Variants in HPS5 observed in about 807,000 individuals in gnomAD.
HPS5 encodes BLOC-2 complex member HPS5.
HPS5 carries 83 observed loss-of-function variants against 128.0 expected under a neutral mutation model. The observed-to-expected ratio is 0.65, with a 90% CI of 0.54 to 0.78. HPS5 has a LOEUF of 0.78. Ranked by LOEUF, HPS5 falls within the 30% of genes least tolerant of loss-of-function variation. HPS5 has a pLI of 0.00. For missense variants in HPS5, 1,281 were observed against 1,326.2 expected (o/e 0.97, Z 0.53); for synonymous variants, 475 against 470.2 (o/e 1.01, Z -0.13).
rs369116404 is a variant in HPS5, at chr11:18,297,003, CAA to C, written c.1324-21_1324-20del. The C allele has an allele frequency of 4.1e-3, 4,633 of 1,129,504 alleles. 19 individuals are homozygous for C. Among genetic ancestry groups the C allele is most frequent in the African/African-American group, 0.036 (2,158 of 59,702 alleles). The allele number at this position is 1,129,504 out of a possible 1,614,324, so 70.0% of individuals were successfully genotyped here. A position where few individuals can be genotyped will look rare whatever the true frequency, so the allele number is the denominator to read the frequency against. On this transcript the variant is annotated intron_variant, in intron 11 of 22. Coordinates refer to ENST00000349215, the MANE Select transcript of HPS5 (RefSeq NM_181507.2). Reference sequence around the variant, plus strand: ...AACTTTCCTAAAAATTAAAAGAATTCAAAAAAAAAAAAAGGTAAAAATTTCCT... The same window carrying C: ...AACTTTCCTAAAAATTAAAAGAATTCAAAAAAAAAAAGGTAAAAATTTCCT...
chr11:18,293,038 T>TTC, intron 14 of HPS5, 62 bp from the exon 15 acceptor site: 4 of 1,332,558 alleles, frequency 3.0e-6, no homozygotes, highest in South Asian at 2.3e-5. Context: ...AGAGCTTTTT[T>TTC]TGAGACAGGG....
intron 6 of HPS5, among the ~76,000 whole-genome samples, chr11:18,307,821 A>AT (rs1336933482): frequency 6.6e-6 from 1 of 152,134 alleles, no homozygotes; most frequent in Non-Finnish European, 1.5e-5. Flanking sequence ...ACATAAGTAT[A>AT]TATTTTATTA....
At position 18,291,829 on chromosome 11, in the gene HPS5, C is replaced by T. The variant is rs752862842; in HGVS notation, c.2053G>A (p.Asp685Asn). The T allele has an allele frequency of 1.2e-6, 2 of 1,611,588 alleles. No individual in the cohort carries two copies. The highest frequency in any genetic ancestry group is 1.1e-5 in the South Asian group (1 of 90,466). Residue 685 changes from aspartate (D) to asparagine (N), a missense_variant, in exon 16 of 23, where the codon GAT becomes AAT. By Grantham distance (23) the Asp-to-Asn change is conservative. Coordinates refer to ENST00000349215, the MANE Select transcript of HPS5 (RefSeq NM_181507.2). ...CTTTTTTCTTTTTCATTATCTTCAT[C>T]TAATATTCCCTTTTTTGATTCATTA... ...LVNESKKGIL[D>N]EDNEKEKRDS...
intron 9 of HPS5, 97 bp from the exon 10 acceptor site, chr11:18,299,067 G>A (rs1413480395): frequency 1.4e-5 from 17 of 1,194,214 alleles, no homozygotes; most frequent in African/African-American, 9.0e-5. Context: ...CATTTCTTAC[G>A]TAGGGTTTGG....
chr11:18,320,953 T>C (rs1864245123), intron 1 of HPS5, among the ~76,000 whole-genome samples: 1 of 152,218 alleles, frequency 6.6e-6, no homozygotes, highest in Non-Finnish European at 1.5e-5. Flanking sequence ...AGTAGCTACA[T>C]ACAGTAGAAC....
chr11:18,299,339 A>T (rs558998719), intron 9 of HPS5, among the ~76,000 whole-genome samples: 2 of 152,230 alleles, frequency 1.3e-5, no homozygotes, highest in Admixed American at 1.3e-4. Flanking sequence ...ATAGTATGTA[A>T]ATCAATATAC....
At chr11:18,303,552 A>G (rs1039863693) in intron 8 of HPS5, among the ~76,000 whole-genome samples, 1 of 152,204 alleles carries the variant, frequency 6.6e-6, no homozygotes, top group African/African-American at 2.4e-5. Flanking sequence ...GAATAACTCT[A>G]CCAGGAGAGC....
At chr11:18,307,422 G>A (rs1216531159) in intron 6 of HPS5, among the ~76,000 whole-genome samples, 2 of 151,954 alleles carry the variant, frequency 1.3e-5, no homozygotes, top group Non-Finnish European at 2.9e-5. Flanking sequence ...AGGAAGTAGT[G>A]GTTTTATTAC....
Position 18,291,714 on chromosome 11 carries a change from A to G in HPS5, c.2168T>C (p.Ile723Thr). Residue 723 changes from isoleucine to threonine, a missense_variant, in exon 16 of 23, where the codon ATA (isoleucine) becomes ACA (threonine). By Grantham distance (89) the Ile-to-Thr change is moderately conservative. Coordinates refer to ENST00000349215, the MANE Select transcript of HPS5 (RefSeq NM_181507.2). The stretch of plus-strand genomic sequence containing the variant: ...ACTTGCAATGGCGCATGGAGAACAT[A>G]TTTGAAACAGGTCATCCAAAGACTC... ...PRESLDDLFQICSPCAIASGL... is the reference protein window; with the variant it reads ...PRESLDDLFQTCSPCAIASGL... The G allele has an allele frequency of 6.2e-7, 1 of 1,614,242 alleles. No individual in the cohort carries two copies. The highest frequency in any genetic ancestry group is 8.5e-7 in the Non-Finnish European group (1 of 1,180,034).
rs2134251820 is a variant in HPS5 at position 18,287,876 on chromosome 11, T to C, written c.2561+17A>G. On this transcript the variant is annotated intron_variant, in intron 17 of 22. Transcript: ENST00000349215. ...CATGTGCTTTAGCTCATATAAACAA[T>C]ATACAGGACAACTTACCGGGTAGCA... The C allele has an allele frequency of 1.2e-6, 2 of 1,613,880 alleles. No homozygotes were observed. Among genetic ancestry groups the C allele is most frequent in the East Asian group, 2.2e-5 (1 of 44,852 alleles).
At chr11:18,288,477 T>G (rs1029858661) in intron 16 of HPS5, among the ~76,000 whole-genome samples, 1 of 152,188 alleles carries the variant, frequency 6.6e-6, no homozygotes, top group Non-Finnish European at 1.5e-5. Flanking sequence ...TTTTTAAAGT[T>G]ACCAGTATAG....
At chr11:18,311,511 A>ATTTTTTTT (rs11376847) in intron 3 of HPS5, 60 bp from the exon 4 acceptor site, 28 of 531,918 alleles carry the variant, frequency 5.3e-5, no homozygotes, top group South Asian at 1.7e-4. Context: ...TATTATTATT[A>ATTTTTTTT]TTTTTTTTTT....
intron 15 of HPS5, 69 bp from the exon 16 acceptor site, chr11:18,292,088 A>G: frequency 8.1e-7 from 1 of 1,227,998 alleles, no homozygotes; most frequent in Non-Finnish European, 1.2e-6. Flanking sequence ...AATTCATGCT[A>G]ATAAATTAAC....
At position 18,310,801 on chromosome 11, in the gene HPS5, A is replaced by C; in HGVS notation, c.417T>G (p.Phe139Leu). ...LCWDTAILRV[F>L]VGDHAGKVSA... is the part of the protein sequence containing the mutation. ...AAACCTTCCCAGCATGATCACCTAC[A>C]AAAACTCTAAGAATAGCTGTATCCC... Residue 139 changes from phenylalanine to leucine, a missense_variant, in exon 5 of 23, where the codon TTT becomes TTG. By Grantham distance (22) the Phe-to-Leu change is conservative (BLOSUM62 0). Coordinates refer to ENST00000349215, the MANE Select transcript of HPS5 (RefSeq NM_181507.2). 6.2e-7 allele frequency: 1 copy of C among 1,614,172 alleles called. No individual in the cohort carries two copies. Among genetic ancestry groups the C allele is most frequent in the Non-Finnish European group, 8.5e-7 (1 of 1,180,002 alleles).
Position 18,279,201 on chromosome 11 carries a change from T to A in HPS5, c.*681A>T, listed in dbSNP as rs953333864. 1 of 152,342 alleles carries A rather than the reference T, an allele frequency of 6.6e-6. No homozygotes were observed. The highest frequency in any genetic ancestry group is 1.9e-4 in the East Asian group (1 of 5,184). The allele number at this position is 152,342 out of a possible 1,614,324, so 9.4% of individuals were successfully genotyped here. A position where few individuals can be genotyped will look rare whatever the true frequency, so the allele number is the denominator to read the frequency against. Reference sequence around the variant, plus strand: ...GGCCTCAGGTACTATGCCTAGCTAATTTTTTTTATTTTTTGTAGAGATGCA... The same window carrying A: ...GGCCTCAGGTACTATGCCTAGCTAAATTTTTTTATTTTTTGTAGAGATGCA... On this transcript the variant is annotated 3_prime_UTR_variant, in exon 23 of 23. Transcript: ENST00000349215.
intron 15 of HPS5, among the ~76,000 whole-genome samples, chr11:18,292,321 G>A (rs768367121): frequency 2.0e-5 from 3 of 150,794 alleles, no homozygotes; most frequent in Non-Finnish European, 4.4e-5. Flanking sequence ...TCAGCCTCCT[G>A]AGTAGCTGGG....
chr11:18,298,337 C>CA (rs1319738902), intron 10 of HPS5, among the ~76,000 whole-genome samples: 2 of 151,308 alleles, frequency 1.3e-5, no homozygotes, highest in Admixed American at 6.6e-5. Flanking sequence ...ACTAAAAATA[C>CA]AAAAAAAATC....
At position 18,282,015 on chromosome 11, in the gene HPS5, G is replaced by A. The variant is rs574130277; in HGVS notation, c.3264C>T (p.Ala1088=). 3 of 1,614,150 alleles carry A rather than the reference G, an allele frequency of 1.9e-6. No homozygotes were observed. The South Asian group carries it at 3.3e-5, about 18-fold the overall frequency. The change falls in exon 22 of 23, where the codon GCC becomes GCT. Residue 1088 remains alanine (A), a synonymous_variant. Transcript: ENST00000349215. The part of the protein sequence containing the change: ...AWSLLQECGL[A]LELSEKFTRT... ...TGGTAAACTTCTCTGACAACTCAAGGGCCAGACCACATTCCTGTAGCAGTG... is the reference window on the plus strand; with the variant it reads ...TGGTAAACTTCTCTGACAACTCAAGAGCCAGACCACATTCCTGTAGCAGTG...
In HPS5 at chr11:18,279,818, A is replaced by C; in HGVS notation, c.*64T>G. ...TTCCTTCAATAACAAATGCGTTCAG[A>C]AGGTTCAGGAGCATGATTTAGTTTT... On this transcript the variant is annotated 3_prime_UTR_variant, in exon 23 of 23. Transcript: ENST00000349215. The C allele has an allele frequency of 6.7e-7, 1 of 1,481,822 alleles. No homozygotes were observed. Among genetic ancestry groups the C allele is most frequent in the Admixed American group, 1.7e-5 (1 of 59,542 alleles). 91.8% of individuals were successfully genotyped at this position (1,481,822 alleles called of 1,614,324 possible).
Sources: gnomAD v4.1 joint callset for allele counts (sites outside exome capture counted in the v4.1 genomes callset) on GRCh38, gnomAD v4.1.1 for gene constraint, MANE v1.5 for transcripts, NCBI Gene and HGNC (gene_info 2026-07-23, HGNC 2026-07-21) for gene names.